PATJ: variants seen among roughly 807,000 people sequenced by gnomAD.
PATJ encodes the protein PATJ crumbs cell polarity complex component.
A neutral mutation model predicts 224.9 loss-of-function variants in PATJ; 190 were observed. The ratio of observed to expected loss-of-function variants is 0.84; its 90% CI spans 0.75 to 0.95. The LOEUF (loss-of-function observed/expected upper bound fraction) is 0.95, where lower values mean the gene tolerates loss of function less well. Among genes scored for constraint, PATJ ranks in the 40% least tolerant of loss-of-function variants. The pLI, the probability that PATJ is intolerant of heterozygous loss-of-function variation, is 0.00. For synonymous variants in PATJ, 769 were observed against 820.3 expected (o/e 0.94, Z 1.07); for missense variants, 2,121 against 2,270.3 (o/e 0.93, Z 1.34).
At chr1:62,033,211 G>C (rs146720511) in intron 29 of PATJ, among the ~76,000 whole-genome samples, 205 of 152,146 alleles carry the variant, frequency 1.3e-3, no homozygotes, top group African/African-American at 4.7e-3. Context: ...CCATTTTTGT[G>C]TACATAGTAT....
intron 27 of PATJ, among the ~76,000 whole-genome samples, chr1:61,979,455 C>A (rs1391278062): frequency 6.6e-6 from 1 of 151,906 alleles, no homozygotes; most frequent in African/African-American, 2.4e-5. Context: ...GAGATTGAGA[C>A]CATCCCGGCC....
rs555055868 is a variant in PATJ at position 62,038,832 on chromosome 1, G to A, written c.4032+783G>A. The A allele has an allele frequency of 5.5e-4, 384 of 693,830 alleles. 2 individuals are homozygous for A. The highest frequency in any genetic ancestry group is 4.7e-3 in the South Asian group (339 of 71,430). 43.0% of individuals were successfully genotyped at this position (693,830 alleles called of 1,614,324 possible). A position where few individuals can be genotyped will look rare whatever the true frequency, so the allele number is the denominator to read the frequency against. On this transcript the variant is annotated intron_variant, in intron 30 of 43. Transcript: ENST00000642238. ...TTCAGGGTTCTGGGCCGGGGTGGACGGTGGGTGGGATGGAGGCGACCTTGG... is the reference window on the plus strand; with the variant it reads ...TTCAGGGTTCTGGGCCGGGGTGGACAGTGGGTGGGATGGAGGCGACCTTGG...
chr1:62,106,158 G>GTGTGTATATATATATATA (rs1356937495), intron 33 of PATJ, among the ~76,000 whole-genome samples: 10 of 48,058 alleles, frequency 2.1e-4, no homozygotes, highest in South Asian at 1.1e-3. Flanking sequence ...GTGTGTGTGT[G>GTGTGTATATATATATATA]TATATATATA....
chr1:62,076,430 C>T (rs1301358138), intron 31 of PATJ, among the ~76,000 whole-genome samples: 1 of 152,262 alleles, frequency 6.6e-6, no homozygotes, highest in East Asian at 1.9e-4. Context: ...AATACAGTAA[C>T]ATACAACAGC....
At chr1:62,091,830 C>T (rs80059725) in intron 33 of PATJ, among the ~76,000 whole-genome samples, 12,584 of 151,812 alleles carry the variant, frequency 0.083, 969 homozygotes, top group African/African-American at 0.21. Flanking sequence ...CCGAGGTGGG[C>T]GGATCACCAG....
intron 31 of PATJ, among the ~76,000 whole-genome samples, chr1:62,077,562 C>T (rs531527936): frequency 2.0e-5 from 3 of 151,498 alleles, no homozygotes; most frequent in South Asian, 2.1e-4. Flanking sequence ...TGGTGGTGTG[C>T]GCCTGTAATC....
At chr1:62,059,302 GAAAAGAT>G (rs1009963033) in intron 31 of PATJ, among the ~76,000 whole-genome samples, 54 of 152,220 alleles carry the variant, frequency 3.5e-4, no homozygotes, top group African/African-American at 1.3e-3. Context: ...TTAACCTTTT[GAAAAGAT>G]CCTTCTGGGT....
At chr1:61,796,666 C>CTTTCTTTCTTTCTT (rs1390267897) in intron 10 of PATJ, among the ~76,000 whole-genome samples, 64 of 40,774 alleles carry the variant, frequency 1.6e-3, no homozygotes, top group Non-Finnish European at 2.0e-3. Flanking sequence ...TATTTTCTTT[C>CTTTCTTTCTTTCTT]TTTCTTTCTT....
intron 41 of PATJ, among the ~76,000 whole-genome samples, chr1:62,145,831 G>A (rs375825854): frequency 4.1e-4 from 62 of 151,564 alleles, no homozygotes; most frequent in African/African-American, 1.5e-3. Context: ...GGTGGCATGC[G>A]CCTGTAATCC....
Position 62,108,452 on chromosome 1 carries a change from C to T in PATJ, c.4393C>T (p.His1465Tyr). Residue 1465 changes from histidine to tyrosine, a missense_variant, in exon 34 of 44, where the codon CAT becomes TAT. By Grantham distance (83) the His-to-Tyr change is moderately conservative. Coordinates refer to ENST00000642238, the MANE Select transcript of PATJ (RefSeq NM_001350145.3). ...TTTTTTATAGAATGCTATAGTTATCCATGAAGTCTATGAAGAAGGGGCAGC... is the reference window on the plus strand; with the variant it reads ...TTTTTTATAGAATGCTATAGTTATCTATGAAGTCTATGAAGAAGGGGCAGC... ...KDTPLNAIVI[H>Y]EVYEEGAAAR... 2 of 1,605,888 alleles carry T rather than the reference C, an allele frequency of 1.2e-6. No homozygotes were observed. Among genetic ancestry groups the T allele is most frequent in the Non-Finnish European group, 1.7e-6 (2 of 1,173,804 alleles).
intron 14 of PATJ, among the ~76,000 whole-genome samples, chr1:61,810,399 T>G (rs1370182059): frequency 6.6e-6 from 1 of 151,292 alleles, no homozygotes; most frequent in Non-Finnish European, 1.5e-5. Flanking sequence ...AAAATGAGAG[T>G]AAGAAATACA....
At chr1:61,745,427 C>T (rs1274204526) in intron 1 of PATJ, among the ~76,000 whole-genome samples, 1 of 151,896 alleles carries the variant, frequency 6.6e-6, no homozygotes, top group Admixed American at 6.6e-5. Flanking sequence ...ACATGTGCCA[C>T]CATACCTGGC....
At chr1:62,102,909 G>C (rs1450285136) in intron 33 of PATJ, among the ~76,000 whole-genome samples, 1 of 150,146 alleles carries the variant, frequency 6.7e-6, no homozygotes, top group Non-Finnish European at 1.5e-5. Flanking sequence ...GAGGGACTCT[G>C]TTGGAGATTG....
intron 31 of PATJ, among the ~76,000 whole-genome samples, chr1:62,074,983 A>G (rs1658055051): frequency 6.6e-6 from 1 of 152,112 alleles, no homozygotes; most frequent in Admixed American, 6.6e-5. Context: ...CACACAAACA[A>G]AACTTCATAT....
At chr1:62,074,538 G>C (rs1014680897) in intron 31 of PATJ, among the ~76,000 whole-genome samples, 1 of 152,050 alleles carries the variant, frequency 6.6e-6, no homozygotes, top group African/African-American at 2.4e-5. Context: ...GGCTCAAGCA[G>C]TCCTCGCACC....
chr1:62,068,758 A>ACAAG (rs758027319), intron 31 of PATJ, among the ~76,000 whole-genome samples: 16 of 152,212 alleles, frequency 1.1e-4, no homozygotes, highest in Non-Finnish European at 2.4e-4. Flanking sequence ...ACTTGATCAC[A>ACAAG]GTAATTTTCC....
chr1:61,792,594 G>A (rs568338691), intron 9 of PATJ, among the ~76,000 whole-genome samples: 4 of 151,808 alleles, frequency 2.6e-5, no homozygotes, highest in Non-Finnish European at 4.4e-5. Context: ...GCAGTGGCGC[G>A]ATCTTGGCTC....
intron 30 of PATJ, among the ~76,000 whole-genome samples, chr1:62,043,269 T>C (rs75972736): frequency 6.6e-6 from 1 of 152,312 alleles, no homozygotes; most frequent in Non-Finnish European, 1.5e-5. Flanking sequence ...TATAAGGGAT[T>C]ATGATGCAGT....
At chr1:61,929,480 A>G (rs1322270237) in intron 27 of PATJ, among the ~76,000 whole-genome samples, 1 of 152,232 alleles carries the variant, frequency 6.6e-6, no homozygotes, top group Non-Finnish European at 1.5e-5. Flanking sequence ...TGTGATACCT[A>G]GTAAATGCTC....
Sources: allele counts gnomAD v4.1 joint callset (sites outside exome capture counted in the v4.1 genomes callset), GRCh38; gene constraint gnomAD v4.1.1; transcripts MANE v1.5; gene names NCBI Gene and HGNC (gene_info 2026-07-23, HGNC 2026-07-21).